PTPRN2: variants seen among roughly 807,000 people sequenced by gnomAD.
PTPRN2 encodes the protein protein tyrosine phosphatase receptor type N2, also known as receptor-type tyrosine-protein phosphatase N2.
PTPRN2 carries 74 observed loss-of-function variants against 118.8 expected under a neutral mutation model. The ratio of observed to expected loss-of-function variants is 0.62; its 90% confidence interval spans 0.52 to 0.76. PTPRN2 has a LOEUF of 0.76. PTPRN2 is among the 30% of genes least tolerant of loss of function. The probability of loss-of-function intolerance (pLI) is 0.00; values close to 1 mark genes in which losing one functional copy is unlikely to be tolerated. For missense variants in PTPRN2, 1,481 were observed against 1,394.4 expected, an observed-to-expected ratio of 1.06 and a Z score of -0.99; for synonymous variants, 641 against 608.0, an observed-to-expected ratio of 1.05 and a Z score of -0.80.
intron 2 of PTPRN2, among the ~76,000 whole-genome samples, chr7:158,337,453 A>T (rs1391578170): frequency 4.2e-5 from 6 of 143,162 alleles, no homozygotes; most frequent in African/African-American, 1.6e-4. Context: ...CACAGACGTC[A>T]CTCAAACCCA....
intron 11 of PTPRN2, among the ~76,000 whole-genome samples, chr7:157,930,211 A>T (rs1799274820): frequency 6.6e-6 from 1 of 152,186 alleles, no homozygotes; most frequent in Admixed American, 6.5e-5. Flanking sequence ...ATAAACTAGA[A>T]GTCCCACGCT....
intron 4 of PTPRN2, among the ~76,000 whole-genome samples, chr7:158,204,488 A>G (rs1826964364): frequency 6.6e-6 from 1 of 152,222 alleles, no homozygotes; most frequent in African/African-American, 2.4e-5. Flanking sequence ...TCTGTCAGGG[A>G]AAAATGAACT....
intron 6 of PTPRN2, among the ~76,000 whole-genome samples, chr7:158,144,620 T>C (rs950253311): frequency 2.6e-5 from 4 of 151,658 alleles, no homozygotes; most frequent in Admixed American, 6.6e-5. Context: ...GCCTGGGCGA[T>C]AGAGCGAGAG....
chr7:158,372,121 G>A (rs1156961049), intron 2 of PTPRN2, among the ~76,000 whole-genome samples: 1 of 152,180 alleles, frequency 6.6e-6, no homozygotes, highest in Non-Finnish European at 1.5e-5. Flanking sequence ...CTTGCCCCGA[G>A]CCCCAGCAGC....
rs1048617083 is a variant in PTPRN2 at position 158,517,075 on chromosome 7, T to C, written c.113-27290A>G. Among the ~76,000 whole-genome samples the C allele has an allele frequency of 6.6e-6, 1 of 152,194 alleles. No homozygotes were observed. The highest frequency in any genetic ancestry group is 1.5e-5 in the Non-Finnish European group (1 of 68,028). ...GGGCCCCAGCATGGTGCCTCACTGATTTTGGACTGGGCACAACACGATTCA... is the reference window on the plus strand; with the variant it reads ...GGGCCCCAGCATGGTGCCTCACTGACTTTGGACTGGGCACAACACGATTCA... On this transcript the variant is annotated intron_variant, in intron 1 of 22. Transcript: ENST00000389418. The surrounding 1 kb of genome is among the most constrained non-coding windows in gnomAD (Gnocchi z 5.3).
chr7:158,001,310 C>A (rs1361959370), intron 11 of PTPRN2, among the ~76,000 whole-genome samples: 1 of 149,148 alleles, frequency 6.7e-6, no homozygotes, highest in Non-Finnish European at 1.5e-5. Flanking sequence ...CACAGGCCTG[C>A]TCTTGGCTGT....
Position 157,549,005 on chromosome 7 carries a change from C to G in PTPRN2, c.2917G>C (p.Asp973His). ...NKMAKGAKEI[D>H]IAATLEHLRD... is the part of the protein sequence containing the mutation. ...AAGTGCTCCAGGGTCGCTGCGATAT[C>G]AATCTCTTTAGCACCTGCAACAAAC... Residue 973 changes from aspartate to histidine, a missense_variant, in exon 22 of 23, where the codon GAT (aspartate) becomes CAT (histidine). Asp to His is a moderately conservative substitution (Grantham distance 81). Coordinates refer to ENST00000389418, the MANE Select transcript of PTPRN2 (RefSeq NM_002847.5). 6.2e-7 allele frequency: 1 copy of G among 1,614,206 alleles called. No individual in the cohort carries two copies. Among genetic ancestry groups the G allele is most frequent in the Non-Finnish European group, 8.5e-7 (1 of 1,180,024 alleles).
chr7:158,405,865 A>G, intron 2 of PTPRN2, among the ~76,000 whole-genome samples: 1 of 146,698 alleles, frequency 6.8e-6, no homozygotes, highest in East Asian at 2.1e-4. Context: ...GCAGTGGCTC[A>G]TCCGTGAGAC....
At position 157,783,410 on chromosome 7, in the gene PTPRN2, T is replaced by G. The variant is rs560443639; in HGVS notation, c.1789-100473A>C. Among the ~76,000 whole-genome samples, 110 of 151,252 alleles carry G rather than the reference T, an allele frequency of 7.3e-4. 4 individuals carry two copies. In the South Asian group the frequency reaches 0.023, roughly 31 times the overall value. ...CCTGGGACATACGTCCATCCATACC[T>G]AGGAAGGTTCATCGAACGCATGTCT... is the stretch of plus-strand genomic sequence containing the variant. On this transcript the variant is annotated intron_variant, in intron 12 of 22. Transcript: ENST00000389418.
chr7:158,013,150 C>T (rs757653182), intron 11 of PTPRN2, among the ~76,000 whole-genome samples: 1 of 152,198 alleles, frequency 6.6e-6, no homozygotes, highest in African/African-American at 2.4e-5. Context: ...GTTACCCCCT[C>T]AAGCTTAGGA....
At chr7:158,569,728 ACT>A (rs1563444158) in intron 1 of PTPRN2, among the ~76,000 whole-genome samples, 605 of 5,352 alleles carry the variant, frequency 0.11, 4 homozygotes, top group African/African-American at 0.21. Flanking sequence ...AGGCCGCCTG[ACT>A]GACAGGAACG....
intron 12 of PTPRN2, among the ~76,000 whole-genome samples, chr7:157,765,881 C>A (rs1305465914): frequency 1.4e-5 from 2 of 142,682 alleles, no homozygotes; most frequent in African/African-American, 5.3e-5. Flanking sequence ...ATCATTACTC[C>A]ATCCATCCAT....
chr7:158,368,120 T>A (rs1163584069), intron 2 of PTPRN2, among the ~76,000 whole-genome samples: 1 of 152,212 alleles, frequency 6.6e-6, no homozygotes, highest in Non-Finnish European at 1.5e-5. Context: ...CACCACTGCA[T>A]ATCTAAGTCA....
chr7:157,776,532 C>CCT (rs1420681381), intron 12 of PTPRN2, among the ~76,000 whole-genome samples: 4 of 2,814 alleles, frequency 1.4e-3, no homozygotes, highest in Admixed American at 3.5e-3. Context: ...CCTCTCCTCT[C>CCT]TCTCCTTCTC....
chr7:157,579,113 C>T (rs1448234481), intron 17 of PTPRN2, among the ~76,000 whole-genome samples: 9 of 152,180 alleles, frequency 5.9e-5, no homozygotes, highest in Non-Finnish European at 7.3e-5. Flanking sequence ...GTCATCGTAG[C>T]GCATGTTACT....
chr7:157,588,523 G>A (rs1800805050), intron 17 of PTPRN2, among the ~76,000 whole-genome samples: 1 of 152,226 alleles, frequency 6.6e-6, no homozygotes. Flanking sequence ...GGACATGACT[G>A]GGCTGGGGAC....
chr7:157,601,439 C>G (rs772359431), intron 16 of PTPRN2, among the ~76,000 whole-genome samples: 1 of 143,370 alleles, frequency 7.0e-6, no homozygotes, highest in Non-Finnish European at 1.5e-5. Flanking sequence ...TTCTTACAAC[C>G]CAAATTTGGA....
intron 3 of PTPRN2, among the ~76,000 whole-genome samples, chr7:158,312,614 A>G (rs1801926809): frequency 6.6e-6 from 1 of 150,912 alleles, no homozygotes; most frequent in Non-Finnish European, 1.5e-5. Context: ...GACAAAACTC[A>G]GGAAGACACC....
intron 2 of PTPRN2, among the ~76,000 whole-genome samples, chr7:158,460,178 G>A (rs1397079902): frequency 1.2e-5 from 1 of 80,010 alleles, no homozygotes; most frequent in Middle Eastern, 8.2e-3. Flanking sequence ...GCTGTGTGCC[G>A]TGAGCACAGG....
Sources: gnomAD v4.1 joint callset for allele counts (sites outside exome capture counted in the v4.1 genomes callset) on GRCh38, gnomAD v4.1.1 for gene constraint, Gnocchi (gnomAD v3.1) non-coding constraint, MANE v1.5 for transcripts, NCBI Gene and HGNC (gene_info 2026-07-23, HGNC 2026-07-21) for gene names.